KCNQ5: variants seen among roughly 807,000 people sequenced by gnomAD.
The protein encoded by KCNQ5 is potassium voltage-gated channel subfamily Q member 5, also known as potassium voltage-gated channel subfamily KQT member 5.
In KCNQ5, 30 loss-of-function variants were observed where a neutral mutation model predicts 98.2. The ratio of observed to expected loss-of-function variants is 0.31; its 90% CI spans 0.23 to 0.41. KCNQ5 has a LOEUF of 0.41. KCNQ5 is among the 10% of genes least tolerant of loss of function. The probability of loss-of-function intolerance (pLI) is 1.00; values close to 1 mark genes in which losing one functional copy is unlikely to be tolerated. For missense variants in KCNQ5, 835 were observed against 1,182.5 expected (o/e 0.71, Z 4.31); for synonymous variants, 458 against 449.4 (o/e 1.02, Z -0.24).
chr6:72,749,874 C>T lies in KCNQ5; in HGVS notation c.398+127287C>T, dbSNP rs2747121. Among the ~76,000 whole-genome samples, 525 of 152,122 alleles carry T rather than the reference C, an allele frequency of 3.5e-3. 2 individuals carry two copies. The highest frequency in any genetic ancestry group is 5.3e-3 in the Non-Finnish European group (357 of 67,952). ...AATTAAAAACAAACATTTAAATTAA[C>T]ATGGCCTGTCAAGGAAGTACAAACC... On this transcript the variant is annotated intron_variant, in intron 1 of 13. Coordinates refer to ENST00000370398, the MANE Select transcript of KCNQ5 (RefSeq NM_019842.4).
At chr6:72,726,816 G>T (rs969886423) in intron 1 of KCNQ5, among the ~76,000 whole-genome samples, 1 of 152,128 alleles carries the variant, frequency 6.6e-6, no homozygotes, top group Non-Finnish European at 1.5e-5. Context: ...ACAGATGAAA[G>T]CCTTAAGTTC....
intron 1 of KCNQ5, among the ~76,000 whole-genome samples, chr6:72,627,174 A>G (rs1334073368): frequency 6.6e-6 from 1 of 152,248 alleles, no homozygotes; most frequent in Non-Finnish European, 1.5e-5. Context: ...AATCATTTAC[A>G]AATCTGGAGT....
chr6:73,092,777 G>C (rs9442884), intron 5 of KCNQ5, among the ~76,000 whole-genome samples: 1 of 152,056 alleles, frequency 6.6e-6, no homozygotes, highest in Non-Finnish European at 1.5e-5. Flanking sequence ...GATCATGGTG[G>C]ATTATCTTTT....
chr6:72,935,685 T>C (rs73547850), intron 1 of KCNQ5, among the ~76,000 whole-genome samples: 1,587 of 152,300 alleles, frequency 0.01, 24 homozygotes, highest in African/African-American at 0.037. Flanking sequence ...TTCCTCTTTA[T>C]AGCAAAACCT....
intron 2 of KCNQ5, among the ~76,000 whole-genome samples, chr6:73,032,748 G>A (rs1771206946): frequency 6.6e-6 from 1 of 152,004 alleles, no homozygotes; most frequent in Non-Finnish European, 1.5e-5. Flanking sequence ...ATTCATACAT[G>A]AATCATTTGG....
At chr6:72,900,502 C>CAT (rs1249391130) in intron 1 of KCNQ5, among the ~76,000 whole-genome samples, 28 of 144,968 alleles carry the variant, frequency 1.9e-4, no homozygotes, top group Middle Eastern at 3.6e-3. Context: ...TATACTCCAT[C>CAT]ATATATATAT....
At chr6:73,150,870 T>G (rs1440100892) in intron 10 of KCNQ5, among the ~76,000 whole-genome samples, 2 of 150,870 alleles carry the variant, frequency 1.3e-5, no homozygotes, top group Non-Finnish European at 3.0e-5. Flanking sequence ...TTATGTAACA[T>G]TCTTGAAATT....
chr6:72,876,966 G>A (rs867965819), intron 1 of KCNQ5, among the ~76,000 whole-genome samples: 7 of 152,200 alleles, frequency 4.6e-5, no homozygotes, highest in Middle Eastern at 6.8e-3. Flanking sequence ...CATCTGCTGC[G>A]GTGTCAAGTA....
intron 1 of KCNQ5, among the ~76,000 whole-genome samples, chr6:72,664,956 T>C (rs1283373211): frequency 6.6e-6 from 1 of 152,232 alleles, no homozygotes; most frequent in Non-Finnish European, 1.5e-5. Flanking sequence ...ATTAGCTACA[T>C]AGACATTTTA....
chr6:73,061,903 T>C (rs1195361167), intron 3 of KCNQ5, among the ~76,000 whole-genome samples: 1 of 152,116 alleles, frequency 6.6e-6, no homozygotes, highest in Non-Finnish European at 1.5e-5. Flanking sequence ...ATACCTACAA[T>C]CAGAAAAAAA....
At chr6:73,058,273 G>C (rs533847061) in intron 3 of KCNQ5, among the ~76,000 whole-genome samples, 1 of 152,188 alleles carries the variant, frequency 6.6e-6, no homozygotes, top group East Asian at 1.9e-4. Flanking sequence ...TTAGCTGGGC[G>C]AGGTGGCGGG....
At position 73,191,635 on chromosome 6, in the gene KCNQ5, A is replaced by G. The variant is rs199561174; in HGVS notation, c.1710-930A>G. ...AGGCATATAATGGGCCCTTAGTAAA[A>G]TACCTGTTCATCAATTGTTATAGAA... is the stretch of plus-strand genomic sequence containing the variant. On this transcript the variant is annotated intron_variant, in intron 12 of 13. Transcript: ENST00000370398. Among the ~76,000 whole-genome samples the G allele has an allele frequency of 3.9e-5, 6 of 152,198 alleles. No homozygotes were observed. In the East Asian group the frequency reaches 1.2e-3, roughly 29 times the overall value.
At chr6:72,663,122 C>T (rs939500554) in intron 1 of KCNQ5, among the ~76,000 whole-genome samples, 1 of 152,044 alleles carries the variant, frequency 6.6e-6, no homozygotes, top group African/African-American at 2.4e-5. Context: ...GAACATTACA[C>T]ACCGGGGACT....
At chr6:72,720,895 A>G (rs1769920667) in intron 1 of KCNQ5, among the ~76,000 whole-genome samples, 1 of 152,212 alleles carries the variant, frequency 6.6e-6, no homozygotes, top group African/African-American at 2.4e-5. Context: ...AAAAAGAATC[A>G]GGAATATCTA....
At chr6:73,182,462 A>C (rs1778435926) in intron 11 of KCNQ5, among the ~76,000 whole-genome samples, 3 of 152,166 alleles carry the variant, frequency 2.0e-5, no homozygotes, top group Admixed American at 2.0e-4. Context: ...AGAACTAAGC[A>C]TGAAACCAGG....
rs1765648077 is a variant in KCNQ5 at position 73,192,975 on chromosome 6, A to G, written c.1836+284A>G. Among the ~76,000 whole-genome samples, 5 of 150,810 alleles carry G rather than the reference A, an allele frequency of 3.3e-5. No homozygotes were observed. In the South Asian group the frequency reaches 1.0e-3, roughly 32 times the overall value. On this transcript the variant is annotated intron_variant, in intron 13 of 13. Transcript: ENST00000370398. ...TAAAAATAACAAAGATCTATTCTTC[A>G]TTTGTGTTTCAGTTGTTTTTATTGT...
chr6:72,686,279 A>G (rs943037072), intron 1 of KCNQ5, among the ~76,000 whole-genome samples: 5 of 152,224 alleles, frequency 3.3e-5, no homozygotes, highest in African/African-American at 9.6e-5. Context: ...AAGAAAGAGT[A>G]AGACTTTGAA....
intron 11 of KCNQ5, among the ~76,000 whole-genome samples, chr6:73,179,848 A>G (rs1364112714): frequency 6.6e-6 from 1 of 152,192 alleles, no homozygotes; most frequent in Non-Finnish European, 1.5e-5. Flanking sequence ...CACCTTGCAC[A>G]TCACAAAGTG....
At chr6:72,659,462 T>G (rs539143421) in intron 1 of KCNQ5, among the ~76,000 whole-genome samples, 1 of 152,334 alleles carries the variant, frequency 6.6e-6, no homozygotes, top group South Asian at 2.1e-4. Flanking sequence ...ACTGGATAAT[T>G]TATAAATAAT....
Sources: gnomAD v4.1 joint callset for allele counts (sites outside exome capture counted in the v4.1 genomes callset) on GRCh38, gnomAD v4.1.1 for gene constraint, MANE v1.5 for transcripts, NCBI Gene and HGNC (gene_info 2026-07-23, HGNC 2026-07-21) for gene names.